Variants in CACNG3 observed in about 807,000 individuals in gnomAD.
CACNG3 encodes voltage-dependent calcium channel gamma-3 subunit.
CACNG3 carries 3 observed loss-of-function variants against 28.5 expected under a neutral mutation model. The ratio of observed to expected loss-of-function variants is 0.11; its 90% confidence interval spans 0.05 to 0.27. CACNG3 has a LOEUF of 0.27. Ranked by LOEUF, CACNG3 falls within the 10% of genes least tolerant of loss-of-function variation. The probability of loss-of-function intolerance (pLI) is 1.00; values close to 1 mark genes in which losing one functional copy is unlikely to be tolerated. For synonymous variants in CACNG3, 174 were observed against 162.2 expected (o/e 1.07, Z -0.55); for missense variants, 236 against 414.4 (o/e 0.57, Z 3.74).
intron 1 of CACNG3, among the ~76,000 whole-genome samples, chr16:24,335,534 C>G (rs1298380904): frequency 1.3e-5 from 2 of 152,238 alleles, no homozygotes; most frequent in Non-Finnish European, 2.9e-5. Context: ...TTGACGAACA[C>G]TGACTTTTCT....
chr16:24,285,666 A>G (rs181807946), intron 1 of CACNG3, among the ~76,000 whole-genome samples: 2 of 152,138 alleles, frequency 1.3e-5, no homozygotes, highest in Admixed American at 6.5e-5. Flanking sequence ...TAATAGTAAT[A>G]ATAAAAGTTT....
At position 24,311,301 on chromosome 16, in the gene CACNG3, G is replaced by A. The variant is rs534585180; in HGVS notation, c.212-35433G>A. ...CGAGGAGGGTGAATCACCTGAGGTC[G>A]GGAGTTTAAGACCACCCTGGCCAAC... On this transcript the variant is annotated intron_variant, in intron 1 of 3. Transcript: ENST00000005284. Among the ~76,000 whole-genome samples the A allele has an allele frequency of 2.0e-5, 3 of 151,928 alleles. No individual in the cohort carries two copies. In the East Asian group the frequency reaches 5.8e-4, roughly 30 times the overall value.
At chr16:24,259,368 T>C (rs192297003) in intron 1 of CACNG3, among the ~76,000 whole-genome samples, 1 of 152,196 alleles carries the variant, frequency 6.6e-6, no homozygotes, top group Non-Finnish European at 1.5e-5. Flanking sequence ...GCATGGGAAG[T>C]CACATGCAGT....
intron 1 of CACNG3, among the ~76,000 whole-genome samples, chr16:24,273,049 A>G (rs7192926): frequency 0.38 from 58,068 of 151,862 alleles, 11,995 homozygotes; most frequent in East Asian, 0.66. Context: ...CTATGTGTCC[A>G]TGTGTTCTCA....
intron 1 of CACNG3, among the ~76,000 whole-genome samples, chr16:24,290,648 A>G (rs965733523): frequency 6.6e-6 from 1 of 152,192 alleles, no homozygotes; most frequent in Non-Finnish European, 1.5e-5. Context: ...TATGTTCCCC[A>G]GACTGATCTT....
chr16:24,351,736 A>G (rs1184619661), intron 2 of CACNG3, among the ~76,000 whole-genome samples: 1 of 74,050 alleles, frequency 1.4e-5, no homozygotes, highest in African/African-American at 5.0e-5. Context: ...AGAGAGAGAG[A>G]AAGGAAGGAA....
intron 1 of CACNG3, among the ~76,000 whole-genome samples, chr16:24,269,473 C>T (rs942073763): frequency 5.3e-5 from 8 of 152,012 alleles, no homozygotes; most frequent in South Asian, 2.1e-4. Context: ...AAATCTCAGC[C>T]GAGTGCGGTG....
At chr16:24,291,838 G>A (rs1898972464) in intron 1 of CACNG3, among the ~76,000 whole-genome samples, 1 of 152,150 alleles carries the variant, frequency 6.6e-6, no homozygotes. Context: ...GCATTCTACG[G>A]GGCATACAGG....
intron 1 of CACNG3, among the ~76,000 whole-genome samples, chr16:24,294,398 G>A (rs948971419): frequency 1.1e-4 from 16 of 152,190 alleles, no homozygotes; most frequent in African/African-American, 2.4e-4. Flanking sequence ...CATGGGCTGA[G>A]GGAGAAATCT....
chr16:24,306,025 C>A (rs1899181358), intron 1 of CACNG3, among the ~76,000 whole-genome samples: 1 of 152,094 alleles, frequency 6.6e-6, no homozygotes, highest in African/African-American at 2.4e-5. Context: ...TGACCTCAGC[C>A]TCCTTCAGAT....
intron 1 of CACNG3, among the ~76,000 whole-genome samples, chr16:24,289,351 G>A (rs182711991): frequency 1.3e-5 from 2 of 152,040 alleles, no homozygotes; most frequent in Admixed American, 6.5e-5. Context: ...ATTGTTATGT[G>A]ATGGTGGGGA....
At chr16:24,346,375 C>A (rs1057088151) in intron 1 of CACNG3, among the ~76,000 whole-genome samples, 2 of 152,068 alleles carry the variant, frequency 1.3e-5, no homozygotes, top group African/African-American at 4.8e-5. Flanking sequence ...GAGTTTGAGG[C>A]CAGCCTGGGC....
chr16:24,314,532 G>A (rs1899320491), intron 1 of CACNG3, among the ~76,000 whole-genome samples: 1 of 152,144 alleles, frequency 6.6e-6, no homozygotes, highest in Admixed American at 6.6e-5. Context: ...CTGGACAGCA[G>A]GCTCTTCTCT....
chr16:24,352,767 T>C (rs865940792), intron 2 of CACNG3, among the ~76,000 whole-genome samples: 6 of 152,128 alleles, frequency 3.9e-5, no homozygotes, highest in Non-Finnish European at 7.4e-5. Flanking sequence ...CTCAAATTCC[T>C]GACCTCAGGT....
chr16:24,279,497 A>G (rs912931064), intron 1 of CACNG3, among the ~76,000 whole-genome samples: 18 of 151,890 alleles, frequency 1.2e-4, no homozygotes. Context: ...TAGAGAGAGT[A>G]TCTCACTATG....
chr16:24,278,100 C>T (rs560807354), intron 1 of CACNG3, among the ~76,000 whole-genome samples: 1 of 152,108 alleles, frequency 6.6e-6, no homozygotes, highest in East Asian at 1.9e-4. Context: ...AGCCAGTGGG[C>T]TATTGCAATA....
intron 1 of CACNG3, among the ~76,000 whole-genome samples, chr16:24,299,274 T>C (rs940762346): frequency 6.6e-6 from 1 of 152,246 alleles, no homozygotes; most frequent in Non-Finnish European, 1.5e-5. Flanking sequence ...CTTTGGGTTA[T>C]AATCTAATAC....
In CACNG3 at chr16:24,361,434, C is replaced by T. The variant is rs1900100625; in HGVS notation, c.519C>T (p.Tyr173=). The change falls in exon 4 of 4, where the codon TAC becomes TAT. Residue 173 remains tyrosine (Y), a synonymous_variant. Transcript: ENST00000005284. The surrounding 1 kb of genome is among the most constrained non-coding windows in gnomAD (Gnocchi z 6.8). ...DPGQRDSKKS[Y]SYGWSFYFGA... ...GGCAGCGTGACTCCAAAAAAAGTTACTCCTATGGTTGGTCCTTTTATTTCG... is the reference window on the plus strand; with the variant it reads ...GGCAGCGTGACTCCAAAAAAAGTTATTCCTATGGTTGGTCCTTTTATTTCG... 1.2e-6 allele frequency: 2 copies of T among 1,614,124 alleles called. No homozygotes were observed. Among genetic ancestry groups the T allele is most frequent in the Non-Finnish European group, 1.7e-6 (2 of 1,179,992 alleles).
Position 24,325,128 on chromosome 16 carries a change from G to A in CACNG3, c.212-21606G>A, listed in dbSNP as rs1395965323. 3.3e-5 allele frequency among the ~76,000 whole-genome samples: 5 copies of A among 152,334 alleles called. No individual in the cohort carries two copies. The South Asian group carries it at 6.2e-4, about 19-fold the overall frequency. On this transcript the variant is annotated intron_variant, in intron 1 of 3. Coordinates refer to ENST00000005284, the MANE Select transcript of CACNG3 (RefSeq NM_006539.4). Reference sequence around the variant, plus strand: ...CAGATATTTACTGAGTGAAATGAATGAATGAATTTATGTTATGAGTTCTGT... The same window carrying A: ...CAGATATTTACTGAGTGAAATGAATAAATGAATTTATGTTATGAGTTCTGT...
Sources: gnomAD v4.1 joint callset for allele counts (sites outside exome capture counted in the v4.1 genomes callset) on GRCh38, gnomAD v4.1.1 for gene constraint, Gnocchi (gnomAD v3.1) non-coding constraint, MANE v1.5 for transcripts, NCBI Gene and HGNC (gene_info 2026-07-23, HGNC 2026-07-21) for gene names.